The following POLD3 variants were observed in gnomAD, a reference collection of about 807,000 sequenced individuals.
The protein encoded by POLD3 is DNA polymerase delta 3, accessory subunit.
A neutral mutation model predicts 58.2 loss-of-function variants in POLD3; 19 were observed. The ratio of observed to expected loss-of-function variants is 0.33; its 90% CI spans 0.23 to 0.48. POLD3 has a LOEUF of 0.48. POLD3 is among the 20% of genes least tolerant of loss of function. The pLI is 0.99. For synonymous variants in POLD3, 172 were observed against 193.5 expected, an observed-to-expected ratio of 0.89 and a Z score of 0.92; for missense variants, 504 against 545.5, an observed-to-expected ratio of 0.92 and a Z score of 0.76.
At chr11:74,636,509 T>C (rs1385031388) in intron 11 of POLD3, among the ~76,000 whole-genome samples, 1 of 152,236 alleles carries the variant, frequency 6.6e-6, no homozygotes, top group Non-Finnish European at 1.5e-5. Flanking sequence ...AGATCTTGGC[T>C]AAAAGTTATG....
intron 4 of POLD3, among the ~76,000 whole-genome samples, chr11:74,650,440 T>G (rs984626800): frequency 3.3e-5 from 5 of 152,212 alleles, no homozygotes; most frequent in Non-Finnish European, 7.3e-5. Flanking sequence ...TTCAACCATA[T>G]TTCTACTTGA....
At chr11:74,594,274 C>T (rs949190043) in intron 2 of POLD3, among the ~76,000 whole-genome samples, 158 bp downstream of exon 2, 1 of 152,204 alleles carries the variant, frequency 6.6e-6, no homozygotes, top group East Asian at 1.9e-4. Flanking sequence ...TAATTCCAAT[C>T]TCTGCCTTCA....
At chr11:74,652,175 TC>T in intron 4 of POLD3, among the ~76,000 whole-genome samples, 1 of 152,326 alleles carries the variant, frequency 6.6e-6, no homozygotes, top group Non-Finnish European at 1.5e-5. Context: ...TAATAACAGC[TC>T]TCATCTGCAA....
chr11:74,637,169 A>G (rs1306015463), intron 11 of POLD3, among the ~76,000 whole-genome samples: 1 of 151,016 alleles, frequency 6.6e-6, no homozygotes, highest in African/African-American at 2.4e-5. Context: ...TTTTTTTCCT[A>G]GTTCAGACTT....
At chr11:74,599,956 A>ATT (rs11310017) in intron 2 of POLD3, among the ~76,000 whole-genome samples, 1 of 144,724 alleles carries the variant, frequency 6.9e-6, no homozygotes, top group African/African-American at 2.5e-5. Flanking sequence ...TATTATTATT[A>ATT]TTTTTTTTTT....
intron 8 of POLD3, among the ~76,000 whole-genome samples, chr11:74,627,915 CCT>C: frequency 6.6e-6 from 1 of 152,196 alleles, no homozygotes; most frequent in Middle Eastern, 3.4e-3. Flanking sequence ...GGAGAAGTTT[CCT>C]CTGTTTTCTG....
intron 3 of POLD3, among the ~76,000 whole-genome samples, chr11:74,610,304 A>G (rs4944913): frequency 0.39 from 59,514 of 150,860 alleles, 12,729 homozygotes; most frequent in African/African-American, 0.56. Context: ...TCTGCCTCCC[A>G]GGTTCAAGTG....
intron 4 of POLD3, among the ~76,000 whole-genome samples, chr11:74,659,095 T>G (rs962752477): frequency 1.3e-5 from 2 of 152,192 alleles, no homozygotes; most frequent in African/African-American, 4.8e-5. Flanking sequence ...ATACATCTTC[T>G]GAAATCTAGG....
chr11:74,625,727 C>A (rs1307158669), intron 8 of POLD3, 154 bp downstream of exon 8: 7 of 582,478 alleles, frequency 1.2e-5, no homozygotes, highest in Middle Eastern at 2.8e-4. Context: ...AAAGAGAAGC[C>A]CAGTAGCTTA....
At position 74,628,510 on chromosome 11, in the gene POLD3, T is replaced by G. The variant is rs200248411; in HGVS notation, c.900-707T>G. ...TTGTTTCTCTAACATTCAGTAGGCC[T>G]TTGATAAATTACTTGTTGGTTGCAT... is the stretch of plus-strand genomic sequence containing the variant. On this transcript the variant is annotated intron_variant, in intron 8 of 11. Coordinates refer to ENST00000263681, the MANE Select transcript of POLD3 (RefSeq NM_006591.3). Among the ~76,000 whole-genome samples the G allele has an allele frequency of 4.0e-4, 61 of 152,290 alleles. No individual in the cohort carries two copies. In the East Asian group the frequency reaches 9.1e-3, roughly 23 times the overall value.
At chr11:74,657,481 T>G (rs548287004) in intron 4 of POLD3, among the ~76,000 whole-genome samples, 2 of 150,090 alleles carry the variant, frequency 1.3e-5, no homozygotes, top group Non-Finnish European at 2.9e-5. Context: ...ATCTTATGAC[T>G]CATTATTTTA....
At chr11:74,605,747 A>G (rs1189028501) in intron 3 of POLD3, among the ~76,000 whole-genome samples, 1 of 152,078 alleles carries the variant, frequency 6.6e-6, no homozygotes, top group African/African-American at 2.4e-5. Flanking sequence ...TATTGACTGG[A>G]TTTGTTTTTT....
At chr11:74,622,970 G>A (rs2032311739) in intron 7 of POLD3, among the ~76,000 whole-genome samples, 1 of 152,050 alleles carries the variant, frequency 6.6e-6, no homozygotes, top group African/African-American at 2.4e-5. Context: ...AAACAAAGGT[G>A]GTATATCCAG....
intron 4 of POLD3, among the ~76,000 whole-genome samples, chr11:74,666,001 T>C (rs1221840466): frequency 6.6e-6 from 1 of 152,098 alleles, no homozygotes; most frequent in Non-Finnish European, 1.5e-5. Flanking sequence ...ATATAGAAAA[T>C]CCTAAGGAAT....
intron 2 of POLD3, 146 bp from the exon 3 acceptor site, chr11:74,604,546 C>T (rs2031611495): frequency 3.7e-6 from 2 of 546,196 alleles, no homozygotes; most frequent in Middle Eastern, 4.0e-4. Flanking sequence ...TTTTTTTCAA[C>T]TGTCCATAGG....
At chr11:74,617,983 C>T (rs34450669) in intron 5 of POLD3, among the ~76,000 whole-genome samples, 9,803 of 152,164 alleles carry the variant, frequency 0.064, 392 homozygotes, top group South Asian at 0.18. Context: ...GTTCCCAAAC[C>T]GCTGGGATTA....
intron 4 of POLD3, among the ~76,000 whole-genome samples, chr11:74,653,090 G>T (rs1219077213): frequency 7.9e-5 from 12 of 152,148 alleles, no homozygotes; most frequent in African/African-American, 2.9e-4. Context: ...TCAATTTTTG[G>T]ACCTGCATAT....
intron 3 of POLD3, among the ~76,000 whole-genome samples, chr11:74,609,358 ATATATATATATATATTTTTTTT>A (rs1264015731): frequency 6.3e-4 from 15 of 23,948 alleles, no homozygotes; most frequent in Admixed American, 5.0e-3. Flanking sequence ...ATATATATAT[ATATATATATATATATTTTTTTT>A]TTTTTTTTTT....
At chr11:74,643,326 T>C (rs960489163), downstream of POLD3, among the ~76,000 whole-genome samples, 2 of 152,260 alleles carry the variant, frequency 1.3e-5, no homozygotes, top group African/African-American at 4.8e-5. Flanking sequence ...GAAGGAATTA[T>C]AGATGCCTAT....
Sources: gnomAD v4.1 joint callset for allele counts (sites outside exome capture counted in the v4.1 genomes callset) on GRCh38, gnomAD v4.1.1 for gene constraint, MANE v1.5 for transcripts, NCBI Gene and HGNC (gene_info 2026-07-23, HGNC 2026-07-21) for gene names.